Variants in LNPEP observed in about 807,000 individuals in gnomAD.
LNPEP encodes the protein leucyl-cystinyl aminopeptidase.
LNPEP carries 64 observed loss-of-function variants against 120.6 expected under a neutral mutation model. That is an observed-to-expected ratio of 0.53 (90% CI 0.43 to 0.65). The LOEUF (loss-of-function observed/expected upper bound fraction) is 0.65, where lower values mean the gene tolerates loss of function less well. Among genes scored for constraint, LNPEP ranks in the 30% least tolerant of loss-of-function variants. The pLI, the probability that LNPEP is intolerant of heterozygous loss-of-function variation, is 0.00. For missense variants in LNPEP, 1,057 were observed against 1,200.0 expected (o/e 0.88, Z 1.76); for synonymous variants, 435 against 425.4 (o/e 1.02, Z -0.28).
intron 4 of LNPEP, among the ~76,000 whole-genome samples, chr5:96,990,119 A>T (rs988926773): frequency 5.3e-5 from 8 of 152,228 alleles, no homozygotes; most frequent in African/African-American, 1.9e-4. Flanking sequence ...AGGTACAGCT[A>T]ATAAAGACTT....
intron 1 of LNPEP, among the ~76,000 whole-genome samples, chr5:96,951,600 G>T (rs1789326668): frequency 6.6e-6 from 1 of 152,134 alleles, no homozygotes; most frequent in Non-Finnish European, 1.5e-5. Flanking sequence ...GGTGTCGGGG[G>T]CGGGATGGGG....
intron 6 of LNPEP, among the ~76,000 whole-genome samples, chr5:96,995,724 T>C (rs1790501144): frequency 1.3e-5 from 2 of 152,162 alleles, no homozygotes; most frequent in African/African-American, 4.8e-5. Context: ...AGTCTCTCTA[T>C]GTTGCCCATG....
chr5:96,979,096 T>G, intron 1 of LNPEP, 42 bp from the exon 2 acceptor site: 1 of 1,527,742 alleles, frequency 6.5e-7, no homozygotes, highest in Non-Finnish European at 8.8e-7. Flanking sequence ...GAGCTTTTTT[T>G]TTTCTAACTC....
At chr5:97,020,082 A>G (rs767805790) in intron 13 of LNPEP, among the ~76,000 whole-genome samples, 2 of 152,186 alleles carry the variant, frequency 1.3e-5, no homozygotes, top group Non-Finnish European at 2.9e-5. Flanking sequence ...AAGCGAGTTG[A>G]CATGTTATAC....
At position 97,036,800 on chromosome 5, in the gene LNPEP, T is replaced by C. The variant is rs1791580023; in HGVS notation, c.*8267T>C. 6.6e-6 allele frequency: 1 copy of C among 152,196 alleles called. No homozygotes were observed. Among genetic ancestry groups the C allele is most frequent in the African/African-American group, 2.4e-5 (1 of 41,466 alleles). 9.4% of individuals were successfully genotyped at this position (152,196 alleles called of 1,614,324 possible). A position where few individuals can be genotyped will look rare whatever the true frequency, so the allele number is the denominator to read the frequency against. ...TGAAAAAGTAGCCTATACTTTGCTA[T>C]TACTTATACCTGCTGCCATAGAAAA... On this transcript the variant is annotated 3_prime_UTR_variant, in exon 18 of 18. Transcript: ENST00000231368.
intron 10 of LNPEP, 68 bp downstream of exon 10, chr5:97,006,301 T>C: frequency 7.0e-7 from 1 of 1,419,756 alleles, no homozygotes; most frequent in Admixed American, 2.0e-5. Context: ...TTAAGTGTTT[T>C]ATAATCATAA....
intron 1 of LNPEP, among the ~76,000 whole-genome samples, chr5:96,944,195 T>C (rs1472274469): frequency 4.6e-5 from 7 of 152,238 alleles, no homozygotes. Context: ...TGTTATTTTG[T>C]CAAATTTAAA....
At position 97,024,582 on chromosome 5, in the gene LNPEP, T is replaced by C. The variant is rs777427606; in HGVS notation, c.2623T>C (p.Ser875Pro). The stretch of plus-strand genomic sequence containing the variant: ...TGGAGCAAAAACTGACAAAGGCTGG[T>C]CATTCCTTTTGGGCAAATACATTTC... ...KVGAKTDKGW[S>P]FLLGKYISIG... Residue 875 changes from serine to proline, a missense_variant, in exon 15 of 18, where the codon TCA (serine) becomes CCA (proline). Ser to Pro is a moderately conservative substitution (Grantham distance 74). Transcript: ENST00000231368. 3 of 1,614,112 alleles carry C rather than the reference T, an allele frequency of 1.9e-6. No homozygotes were observed. The African/African-American group carries it at 4.0e-5, about 22-fold the overall frequency.
chr5:97,019,105 A>G (rs1313226941), intron 13 of LNPEP, among the ~76,000 whole-genome samples: 1 of 152,216 alleles, frequency 6.6e-6, no homozygotes, highest in Non-Finnish European at 1.5e-5. Flanking sequence ...AATGTAATAT[A>G]CAACATAAGT....
chr5:97,011,509 T>A (rs1432129493), intron 11 of LNPEP, among the ~76,000 whole-genome samples: 2 of 152,190 alleles, frequency 1.3e-5, no homozygotes, highest in African/African-American at 2.4e-5. Flanking sequence ...GGATTACAGG[T>A]GTGAGCTGCC....
At chr5:97,016,691 C>G (rs936714434) in intron 13 of LNPEP, among the ~76,000 whole-genome samples, 1 of 152,120 alleles carries the variant, frequency 6.6e-6, no homozygotes, top group African/African-American at 2.4e-5. Flanking sequence ...TGGCCCACAT[C>G]TAGTTGTTCT....
chr5:96,955,800 G>T (rs1471064210), intron 1 of LNPEP, among the ~76,000 whole-genome samples: 1 of 152,178 alleles, frequency 6.6e-6, no homozygotes, highest in East Asian at 1.9e-4. Flanking sequence ...TTTCTCTGGG[G>T]TAAATTCCCA....
rs781727347 is a variant in LNPEP at position 97,008,337 on chromosome 5, G to GTTTTTTTTTTTTTTTT, written c.2035+1838_2035+1853dup. Among the ~76,000 whole-genome samples, 18 of 59,840 alleles carry GTTTTTTTTTTTTTTTT rather than the reference G, an allele frequency of 3.0e-4. 1 individual carries two copies. The highest frequency in any genetic ancestry group is 3.4e-4 in the Non-Finnish European group (12 of 34,900). The allele number at this position is 59,840 out of a possible 152,430, so 39.3% of individuals were successfully genotyped here. A position where few individuals can be genotyped will look rare whatever the true frequency, so the allele number is the denominator to read the frequency against. ...TTGATTTTTTTGTTTGTTTTTTCTTGTTTTTTTTTTTTTTTTTTTTTTTTT... is the reference window on the plus strand; with the variant it reads ...TTGATTTTTTTGTTTGTTTTTTCTTGTTTTTTTTTTTTTTTTTTTTTTTTTTTTTTTTTTTTTTTTT... On this transcript the variant is annotated intron_variant, in intron 11 of 17. Coordinates refer to ENST00000231368, the MANE Select transcript of LNPEP (RefSeq NM_005575.3).
At chr5:96,978,071 A>T (rs1790043478) in intron 1 of LNPEP, among the ~76,000 whole-genome samples, 1 of 152,180 alleles carries the variant, frequency 6.6e-6, no homozygotes, top group Non-Finnish European at 1.5e-5. Flanking sequence ...GTTAGAAATG[A>T]TAGGTATAAA....
intron 1 of LNPEP, among the ~76,000 whole-genome samples, chr5:96,971,721 C>A (rs926764016): frequency 6.6e-6 from 1 of 151,810 alleles, no homozygotes; most frequent in African/African-American, 2.4e-5. Flanking sequence ...GAACCTTTTT[C>A]TCCTAGATTT....
At chr5:97,006,334 T>C in intron 10 of LNPEP, 93 bp from the exon 11 acceptor site, 1 of 1,276,300 alleles carries the variant, frequency 7.8e-7, no homozygotes, top group African/African-American at 1.5e-5. Context: ...CCTAACAAGA[T>C]TATCCCTTCC....
rs374194740 is a variant in LNPEP, at chr5:97,019,717, G to A, written c.2377-2583G>A. 6.6e-5 allele frequency among the ~76,000 whole-genome samples: 10 copies of A among 151,766 alleles called. No homozygotes were observed. The East Asian group carries it at 1.7e-3, about 26-fold the overall frequency. On this transcript the variant is annotated intron_variant, in intron 13 of 17. Coordinates refer to ENST00000231368, the MANE Select transcript of LNPEP (RefSeq NM_005575.3). ...TAAACTCTCAATGAGTATTGCCATT[G>A]TTCTTCACTGATTTTTTTTTTAAAT... is the stretch of plus-strand genomic sequence containing the variant.
At chr5:96,995,351 A>G (rs1790488325) in intron 6 of LNPEP, among the ~76,000 whole-genome samples, 1 of 152,222 alleles carries the variant, frequency 6.6e-6, no homozygotes, top group South Asian at 2.1e-4. Context: ...GATAAGCCCA[A>G]GACCACACTG....
At chr5:96,977,362 A>G (rs1186661733) in intron 1 of LNPEP, among the ~76,000 whole-genome samples, 1 of 151,924 alleles carries the variant, frequency 6.6e-6, no homozygotes, top group South Asian at 2.1e-4. Flanking sequence ...GAGAAAAGAA[A>G]AAGAGACATG....
Sources: allele counts gnomAD v4.1 joint callset (sites outside exome capture counted in the v4.1 genomes callset), GRCh38; gene constraint gnomAD v4.1.1; transcripts MANE v1.5; gene names NCBI Gene and HGNC (gene_info 2026-07-23, HGNC 2026-07-21).